PTK6: variants seen among roughly 807,000 people sequenced by gnomAD.
PTK6 encodes the protein protein-tyrosine kinase 6.
In PTK6, 47 loss-of-function variants were observed where a neutral mutation model predicts 47.5. The ratio of observed to expected loss-of-function variants is 0.99; its 90% CI spans 0.78 to 1.26. PTK6 has a LOEUF of 1.26. PTK6 is among the 50% of genes most tolerant of loss of function. The pLI is 0.00. For synonymous variants in PTK6, 287 were observed against 276.5 expected (o/e 1.04, Z -0.38); for missense variants, 618 against 625.3 (o/e 0.99, Z 0.12).
Position 63,532,595 on chromosome 20 carries a change from A to G in PTK6, c.763T>C (p.Ser255Pro). Residue 255 changes from serine (S) to proline (P), a missense_variant, in exon 5 of 8, where the codon TCC becomes CCC. By Grantham distance (74) the Ser-to-Pro change is moderately conservative. Coordinates refer to ENST00000542869, the MANE Select transcript of PTK6 (RefSeq NM_005975.4). ...KHILALYAVV[S>P]VGDPVYIITE... Reference sequence around the variant, plus strand: ...ATGATGTACACGGGGTCCCCCACGGACACCACGGCGTACAGCGCCAGGATG... The same window carrying G: ...ATGATGTACACGGGGTCCCCCACGGGCACCACGGCGTACAGCGCCAGGATG... 6.2e-7 allele frequency: 1 copy of G among 1,614,040 alleles called. No homozygotes were observed. The highest frequency in any genetic ancestry group is 8.5e-7 in the Non-Finnish European group (1 of 1,179,990).
rs552657815 is a variant in PTK6, at chr20:63,530,100, G to C, written c.1146C>G (p.Ser382Arg). ...SFGILLHEMF[S>R]RGQVPYPGMS... Reference sequence around the variant, plus strand: ...TACCTGGGTAGGGCACCTGACCCCTGCTGAACATCTCATGCAGGAGAATCC... The same window carrying C: ...TACCTGGGTAGGGCACCTGACCCCTCCTGAACATCTCATGCAGGAGAATCC... Residue 382 changes from serine (S) to arginine (R), a missense_variant, in exon 7 of 8, where the codon AGC (serine) becomes AGG (arginine). Ser to Arg is a moderately radical substitution (Grantham distance 110). Coordinates refer to ENST00000542869, the MANE Select transcript of PTK6 (RefSeq NM_005975.4). The surrounding 1 kb of genome is among the most constrained non-coding windows in gnomAD (Gnocchi z 4.1). 331 of 1,614,024 alleles carry C rather than the reference G, an allele frequency of 2.1e-4. 5 individuals are homozygous for C. In the South Asian group the frequency reaches 3.5e-3, roughly 17 times the overall value.
intron 3 of PTK6, 99 bp downstream of exon 3, chr20:63,534,052 AC>A (rs2082645286): frequency 7.2e-7 from 1 of 1,398,206 alleles, no homozygotes; most frequent in Non-Finnish European, 9.5e-7. Context: ...GTGAGTCAGG[AC>A]CCCTCCCATG....
rs1245424110 is a variant in PTK6, at chr20:63,530,130, G to A, written c.1116C>T (p.Ser372=). ...ACATCTCATGCAGGAGAATCCCAAA[G>A]GACCAGACGTCGGATTTGGTGGAGT... is the stretch of plus-strand genomic sequence containing the variant. ...GHYSTKSDVW[S]FGILLHEMFS... is the part of the protein sequence containing the mutation. Residue 372 remains serine (S), a synonymous_variant, in exon 7 of 8, where the codon TCC becomes TCT. Transcript: ENST00000542869. This position sits in a 1 kb window ranked among gnomAD's most constrained non-coding sequence, Gnocchi z 4.1. 1 of 1,614,010 alleles carries A rather than the reference G, an allele frequency of 6.2e-7. No homozygotes were observed. Among genetic ancestry groups the A allele is most frequent in the African/African-American group, 1.3e-5 (1 of 74,946 alleles).
chr20:63,534,050 G>A, intron 3 of PTK6, 102 bp downstream of exon 3: 1 of 1,397,672 alleles, frequency 7.2e-7, no homozygotes, highest in Non-Finnish European at 9.5e-7. Context: ...CAGTGAGTCA[G>A]GACCCCTCCC....
At chr20:63,536,436 A>G (rs1353690174) in intron 1 of PTK6, among the ~76,000 whole-genome samples, 1 of 149,874 alleles carries the variant, frequency 6.7e-6, no homozygotes, top group Non-Finnish European at 1.5e-5. Flanking sequence ...CCCGGGAGCT[A>G]ACCCTACACA....
chr20:63,532,502 A>G (rs533902438), intron 5 of PTK6, 24 bp downstream of exon 5: 3 of 1,584,996 alleles, frequency 1.9e-6, no homozygotes, highest in Non-Finnish European at 2.6e-6. Flanking sequence ...GCCTCCAGCA[A>G]GAGCCCCGGC....
At chr20:63,532,340 TGTGTGC>T (rs370514447) in intron 5 of PTK6, among the ~76,000 whole-genome samples, 180 bp downstream of exon 5, 19,268 of 145,894 alleles carry the variant, frequency 0.13, 3,935 homozygotes, top group African/African-American at 0.49. Context: ...TGTGCATGTG[TGTGTGC>T]ATGTGTGTCT....
chr20:63,534,282 A>T lies in PTK6; in HGVS notation c.386T>A (p.Ile129Asn), dbSNP rs1195063436. 11 of 1,608,758 alleles carry T rather than the reference A, an allele frequency of 6.8e-6. No homozygotes were observed. Among genetic ancestry groups the T allele is most frequent in the Non-Finnish European group, 8.5e-6 (10 of 1,178,844 alleles). ...CAGCCGGCCCCCGGCACGCCGCCAG[A>T]TCTTGTAGTGCCGCACAGCCTGCGT... ...RDTQAVRHYK[I>N]WRRAGGRLHL... The change falls in exon 3 of 8, where the codon ATC becomes AAC. Residue 129 changes from isoleucine to asparagine, a missense_variant. By Grantham distance (149) the Ile-to-Asn change is moderately radical (BLOSUM62 -3). Transcript: ENST00000542869.
At chr20:63,534,026 A>G in intron 3 of PTK6, 126 bp downstream of exon 3, 4 of 1,287,442 alleles carry the variant, frequency 3.1e-6, no homozygotes, top group Non-Finnish European at 4.2e-6. Context: ...GCTTCCCTCC[A>G]GTGGGCCCCA....
chr20:63,535,667 G>A (rs1000689972), intron 1 of PTK6, among the ~76,000 whole-genome samples: 2 of 151,710 alleles, frequency 1.3e-5, no homozygotes, highest in African/African-American at 2.4e-5. Flanking sequence ...CCACACAGAA[G>A]ACCACGGCCC....
chr20:63,531,026 T>G, intron 5 of PTK6, 99 bp from the exon 6 acceptor site: 1 of 1,183,426 alleles, frequency 8.5e-7, no homozygotes, highest in Non-Finnish European at 1.1e-6. Context: ...CTCCAAGCTC[T>G]GCGGGCTCAG....
At chr20:63,535,081 ACACGCGGACCTGGGCCCACCC>A (rs774027132) in intron 1 of PTK6, 22 bp from the exon 2 acceptor site, 63 of 1,580,888 alleles carry the variant, frequency 4.0e-5, no homozygotes, top group Non-Finnish European at 5.0e-5. Context: ...GAGTCTGAGA[ACACGCGGACCTGGGCCCACCC>A]CACGTGGACC....
chr20:63,534,141 G>T lies in PTK6; in HGVS notation c.516+11C>A. On this transcript the variant is annotated intron_variant, in intron 3 of 7. Transcript: ENST00000542869. ...TGACCCCGCGTGACCAAGTCAGGGC[G>T]GAGCGGCTACCTTCCGGCAGGGCGC... 4 of 1,542,396 alleles carry T rather than the reference G, an allele frequency of 2.6e-6. No homozygotes were observed. Among genetic ancestry groups the T allele is most frequent in the Non-Finnish European group, 3.5e-6 (4 of 1,144,804 alleles).
chr20:63,532,967 T>G (rs966105214), intron 4 of PTK6, among the ~76,000 whole-genome samples: 1 of 152,248 alleles, frequency 6.6e-6, no homozygotes, highest in African/African-American at 2.4e-5. Flanking sequence ...GCCAGACCTC[T>G]GCTGGGGCCC....
At chr20:63,532,767 A>G in intron 4 of PTK6, 80 bp from the exon 5 acceptor site, 1 of 1,526,818 alleles carries the variant, frequency 6.5e-7, no homozygotes, top group Admixed American at 1.8e-5. Flanking sequence ...CTGCCCCCAC[A>G]CACAGCAGCC....
intron 5 of PTK6, among the ~76,000 whole-genome samples, chr20:63,532,123 CTGTGTGTGTCTG>C (rs574296059): frequency 4.9e-5 from 7 of 142,928 alleles, no homozygotes; most frequent in Non-Finnish European, 8.8e-5. Flanking sequence ...CCAATGTGAT[CTGTGTGTGTCTG>C]TGTGTGTGTC....
rs140172380 is a variant in PTK6, at chr20:63,534,199, C to T, written c.469G>A (p.Ala157Thr). 6 of 1,578,050 alleles carry T rather than the reference C, an allele frequency of 3.8e-6. No individual in the cohort carries two copies. Among genetic ancestry groups the T allele is most frequent in the African/African-American group, 2.7e-5 (2 of 74,118 alleles). ...SLPELVNYHR[A>T]QSLSHGLRLA... ...CGCAGGCCGTGGGACAGGCTCTGGGCCCTGTGGTAGTTCACAAGCTCGGGC... is the reference window on the plus strand; with the variant it reads ...CGCAGGCCGTGGGACAGGCTCTGGGTCCTGTGGTAGTTCACAAGCTCGGGC... Residue 157 changes from alanine (A) to threonine (T), a missense_variant, in exon 3 of 8, where the codon GCC (alanine) becomes ACC (threonine). Transcript: ENST00000542869.
intron 5 of PTK6, among the ~76,000 whole-genome samples, chr20:63,531,467 T>G (rs2082620641): frequency 7.8e-6 from 1 of 127,490 alleles, no homozygotes. Context: ...TATATATAAT[T>G]AGCTGGGCGT....
intron 2 of PTK6, 196 bp downstream of exon 2, chr20:63,534,742 C>T: frequency 1.2e-6 from 1 of 869,322 alleles, no homozygotes; most frequent in Non-Finnish European, 1.7e-6. Context: ...GGGCCCTGCC[C>T]CACGACTACC....
Sources: gnomAD v4.1 joint callset for allele counts (sites outside exome capture counted in the v4.1 genomes callset) on GRCh38, gnomAD v4.1.1 for gene constraint, Gnocchi (gnomAD v3.1) non-coding constraint, MANE v1.5 for transcripts, NCBI Gene and HGNC (gene_info 2026-07-23, HGNC 2026-07-21) for gene names.